Variants in HDGFL3 observed in about 807,000 individuals in gnomAD.
HDGFL3 encodes HDGF like 3, also known as hepatoma-derived growth factor-related protein 3.
Under a neutral mutation model 27.6 loss-of-function variants are expected in HDGFL3, and 6 were observed. The ratio of observed to expected loss-of-function variants is 0.22; its 90% CI spans 0.12 to 0.43. The LOEUF is 0.43. HDGFL3 is among the 20% of genes least tolerant of loss of function. The probability of loss-of-function intolerance (pLI) is 1.00; values close to 1 mark genes in which losing one functional copy is unlikely to be tolerated. For synonymous variants in HDGFL3, 88 were observed against 88.9 expected (o/e 0.99, Z 0.05); for missense variants, 207 against 250.1 (o/e 0.83, Z 1.16).
intron 5 of HDGFL3, among the ~76,000 whole-genome samples, chr15:83,140,987 G>A (rs2036758392): frequency 6.6e-6 from 1 of 152,114 alleles, no homozygotes; most frequent in African/African-American, 2.4e-5. Flanking sequence ...ATAGTTTTAA[G>A]GACATGCTTT....
At chr15:83,144,966 T>TGATA in intron 5 of HDGFL3, 1 of 157,204 alleles carries the variant, frequency 6.4e-6, no homozygotes, top group Admixed American at 6.0e-5. Flanking sequence ...TCCATATGAA[T>TGATA]CGAAGGAACT....
rs150270517 is a variant in HDGFL3 at position 83,154,263 on chromosome 15, G to A, written c.460-2902C>T. Among the ~76,000 whole-genome samples the A allele has an allele frequency of 7.8e-3, 1,179 of 152,036 alleles. 15 individuals are homozygous for A. The highest frequency in any genetic ancestry group is 0.027 in the African/African-American group (1,136 of 41,488). ...AGGTGGGAGGGCAGCTTGAGCCCAG[G>A]GGGCAGAGGTTGCAGTGAGCTGAGA... On this transcript the variant is annotated intron_variant, in intron 4 of 5. Transcript: ENST00000299633.
intron 1 of HDGFL3, among the ~76,000 whole-genome samples, chr15:83,202,143 A>G (rs920833434): frequency 6.6e-6 from 1 of 152,194 alleles, no homozygotes; most frequent in Non-Finnish European, 1.5e-5. Flanking sequence ...AAATATTTAT[A>G]TTAATAAAGG....
chr15:83,146,926 C>T (rs763797983), intron 5 of HDGFL3, among the ~76,000 whole-genome samples: 7 of 152,158 alleles, frequency 4.6e-5, no homozygotes, highest in South Asian at 2.1e-4. Context: ...AAAATAGAAG[C>T]AATCAGGTAA....
At chr15:83,114,342 G>C (rs1262319402) in exon 4 of HDGFL3, 2 of 152,322 alleles carry the variant, frequency 1.3e-5, no homozygotes, top group African/African-American at 4.8e-5. Flanking sequence ...CTAGAAGGCA[G>C]AGACCATGTC....
downstream of HDGFL3, among the ~76,000 whole-genome samples, chr15:83,124,392 TTTA>T (rs2035545633): frequency 6.6e-6 from 1 of 152,188 alleles, no homozygotes; most frequent in African/African-American, 2.4e-5. Context: ...ACCTTTAAAA[TTTA>T]TTATCATTAA....
intron 5 of HDGFL3, among the ~76,000 whole-genome samples, chr15:83,147,097 T>C (rs2036906218): frequency 6.6e-6 from 1 of 151,706 alleles, no homozygotes; most frequent in Admixed American, 6.6e-5. Context: ...AGAATCTCGC[T>C]CTGTCACCAG....
intron 3 of HDGFL3, among the ~76,000 whole-genome samples, chr15:83,121,236 A>G (rs78534440): frequency 1.3e-5 from 2 of 149,910 alleles, no homozygotes; most frequent in African/African-American, 4.9e-5. Flanking sequence ...ATGCCCAGCT[A>G]ATTTTTTTTT....
chr15:83,150,247 T>C (rs541518214), intron 5 of HDGFL3, among the ~76,000 whole-genome samples: 3 of 152,258 alleles, frequency 2.0e-5, no homozygotes, highest in African/African-American at 4.8e-5. Flanking sequence ...GACATAAAGG[T>C]AGCAGGTCGA....
chr15:83,124,818 C>T (rs752856973), downstream of HDGFL3: 2 of 1,432,112 alleles, frequency 1.4e-6, no homozygotes, highest in Non-Finnish European at 2.0e-6. Context: ...TGTGATACTA[C>T]TCACATTTCC....
At chr15:83,193,560 G>A (rs961286477) in intron 1 of HDGFL3, among the ~76,000 whole-genome samples, 1 of 152,206 alleles carries the variant, frequency 6.6e-6, no homozygotes, top group African/African-American at 2.4e-5. Context: ...CCATATTGAA[G>A]TAGAAGGCAG....
intron 1 of HDGFL3, chr15:83,186,009 A>T (rs2037437116): frequency 6.6e-6 from 1 of 152,258 alleles, no homozygotes; most frequent in Admixed American, 6.5e-5. Context: ...CCAACATCTC[A>T]TGAAGAAATG....
In HDGFL3 at chr15:83,136,349, G is replaced by A. The variant is rs2036605107; in HGVS notation, c.*2921C>T. The A allele has an allele frequency of 3.4e-6, 2 of 584,936 alleles. No homozygotes were observed. The allele number at this position is 584,936 out of a possible 1,614,324, so 36.2% of individuals were successfully genotyped here. On this transcript the variant is annotated 3_prime_UTR_variant, in exon 6 of 6. Coordinates refer to ENST00000299633, the MANE Select transcript of HDGFL3 (RefSeq NM_016073.4). ...CATTAAAGACTCTGGATTGTTTGAA[G>A]GTATTTTGCCTGCAGGTGAGACTGG...
chr15:83,167,993 A>G (rs930418472), intron 1 of HDGFL3, among the ~76,000 whole-genome samples: 3 of 152,230 alleles, frequency 2.0e-5, no homozygotes, highest in South Asian at 2.1e-4. Flanking sequence ...ACAGAAATCA[A>G]TACCAAGAAG....
intron 4 of HDGFL3, among the ~76,000 whole-genome samples, chr15:83,156,663 T>C (rs2037033705): frequency 6.6e-6 from 1 of 152,148 alleles, no homozygotes; most frequent in South Asian, 2.1e-4. Context: ...ATACTCTATG[T>C]TGTTTGTACA....
chr15:83,206,559 T>C (rs1247381471), intron 1 of HDGFL3, among the ~76,000 whole-genome samples: 1 of 152,192 alleles, frequency 6.6e-6, no homozygotes, highest in Non-Finnish European at 1.5e-5. Context: ...AACCTTGTTA[T>C]GTAGGAAGAG....
intron 1 of HDGFL3, among the ~76,000 whole-genome samples, chr15:83,182,764 T>C (rs139015116): frequency 1.3e-5 from 2 of 152,302 alleles, no homozygotes; most frequent in East Asian, 3.9e-4. Flanking sequence ...AAAGTTTAAA[T>C]AAATATTAAA....
chr15:83,145,892 TCTTCC>T (rs576420403), intron 5 of HDGFL3, among the ~76,000 whole-genome samples: 1 of 137,650 alleles, frequency 7.3e-6, no homozygotes, highest in Admixed American at 8.4e-5. Flanking sequence ...CTCCCTTTCT[TCTTCC>T]TTTTTTTTTT....
intron 1 of HDGFL3, among the ~76,000 whole-genome samples, chr15:83,206,278 C>T (rs565154937): frequency 2.0e-4 from 31 of 152,210 alleles, no homozygotes; most frequent in Non-Finnish European, 4.1e-4. Flanking sequence ...CATTTTAGAG[C>T]TCACACTATA....
Sources: gnomAD v4.1 joint callset for allele counts (sites outside exome capture counted in the v4.1 genomes callset) on GRCh38, gnomAD v4.1.1 for gene constraint, MANE v1.5 for transcripts, NCBI Gene and HGNC (gene_info 2026-07-23, HGNC 2026-07-21) for gene names.